The following FBL variants were observed in gnomAD, a reference collection of about 807,000 sequenced individuals.
The protein encoded by FBL is rRNA 2'-O-methyltransferase fibrillarin.
In FBL, 10 loss-of-function variants were observed where a neutral mutation model predicts 42.2. That is an observed-to-expected ratio of 0.24 (90% CI 0.15 to 0.40). The LOEUF (loss-of-function observed/expected upper bound fraction) is 0.40, where lower values mean the gene tolerates loss of function less well. Ranked by LOEUF, FBL falls within the 10% of genes least tolerant of loss-of-function variation. FBL has a pLI of 1.00. For missense variants in FBL, 351 were observed against 439.2 expected (o/e 0.80, Z 1.79); for synonymous variants, 165 against 165.4 (o/e 1.00, Z 0.02).
Position 39,835,630 on chromosome 19 carries a change from T to C in FBL, c.796-817A>G, listed in dbSNP as rs147533369. Among the ~76,000 whole-genome samples, 263 of 152,256 alleles carry C rather than the reference T, an allele frequency of 1.7e-3. 4 individuals carry two copies. The East Asian group carries it at 0.021, about 12-fold the overall frequency. On this transcript the variant is annotated intron_variant, in intron 7 of 8. Coordinates refer to ENST00000221801, the MANE Select transcript of FBL (RefSeq NM_001436.4). The stretch of plus-strand genomic sequence containing the variant: ...GGTTTAGGAAATGTGATAAAAGGCT[T>C]AATGAAAGTTTTTGGCTGGGTGCAG...
intron 5 of FBL, chr19:39,838,471 G>T: frequency 6.5e-6 from 1 of 153,508 alleles, no homozygotes; most frequent in South Asian, 2.0e-4. Context: ...ATATTGGTCA[G>T]GCTGGTCTCG....
intron 1 of FBL, among the ~76,000 whole-genome samples, chr19:39,845,843 G>C (rs1969253323): frequency 6.6e-6 from 1 of 152,196 alleles, no homozygotes; most frequent in South Asian, 2.1e-4. Flanking sequence ...TGGTGGCAGC[G>C]ACAGGGAAGG....
chr19:39,845,435 C>T (rs535194571), intron 1 of FBL, among the ~76,000 whole-genome samples: 1 of 152,288 alleles, frequency 6.6e-6, no homozygotes, highest in South Asian at 2.1e-4. Flanking sequence ...AGAGGTAAAG[C>T]CACTTGCCCA....
chr19:39,836,873 T>A (rs61520181), intron 6 of FBL, among the ~76,000 whole-genome samples: 2,574 of 152,298 alleles, frequency 0.017, 73 homozygotes, highest in African/African-American at 0.055. Context: ...ACTCTTCTTG[T>A]AAACCATGGT....
Position 39,837,778 on chromosome 19 carries a change from C to G in FBL, c.615G>C (p.Lys205Asn), listed in dbSNP as rs753581314. The change falls in exon 6 of 9, where the codon AAG becomes AAC. Residue 205 changes from lysine (K) to asparagine (N), a missense_variant. Lys to Asn is a moderately conservative substitution (Grantham distance 94, BLOSUM62 0). Transcript: ENST00000221801. ...RSGRDLINLA[K>N]KRTNIIPVIE... ...TCACAGGAATGATGTTGGTCCTCTTCTTGGCCAAGTTAATGAGGTCACGGC... is the reference window on the plus strand; with the variant it reads ...TCACAGGAATGATGTTGGTCCTCTTGTTGGCCAAGTTAATGAGGTCACGGC... The G allele has an allele frequency of 1.2e-6, 2 of 1,608,862 alleles. No individual in the cohort carries two copies. Among genetic ancestry groups the G allele is most frequent in the Non-Finnish European group, 1.7e-6 (2 of 1,178,012 alleles).
At position 39,846,358 on chromosome 19, in the gene FBL, G is replaced by A. The variant is rs368706410; in HGVS notation, c.-58C>T. 9 of 1,604,606 alleles carry A rather than the reference G, an allele frequency of 5.6e-6. No homozygotes were observed. The highest frequency in any genetic ancestry group is 1.7e-5 in the Admixed American group (1 of 59,656). On this transcript the variant is annotated 5_prime_UTR_variant, in exon 1 of 9. Transcript: ENST00000221801. ...GCGGCGTTCACAACTCCACGAGTCC[G>A]GGGCTTTCGCACGTGGAAAAGAGCG...
In FBL at chr19:39,834,720, A is replaced by G. The variant is rs1346481870; in HGVS notation, c.889T>C (p.Leu297=). ...QQENMKPQEQ[L]TLEPYERDHA... ...TCTCTTTCATATGGCTCAAGGGTCA[A>G]CTGCTCCTGCGGCTTCATGTTCTCC... Residue 297 remains leucine (L), a synonymous_variant, in exon 8 of 9, where the codon TTG becomes CTG. Coordinates refer to ENST00000221801, the MANE Select transcript of FBL (RefSeq NM_001436.4). The G allele has an allele frequency of 1.9e-6, 3 of 1,614,064 alleles. No homozygotes were observed. Among genetic ancestry groups the G allele is most frequent in the Admixed American group, 1.7e-5 (1 of 60,006 alleles).
chr19:39,835,124 C>T (rs911379718), intron 7 of FBL, among the ~76,000 whole-genome samples: 1 of 152,206 alleles, frequency 6.6e-6, no homozygotes, highest in Non-Finnish European at 1.5e-5. Context: ...ACCCTTCTGC[C>T]AATGGATGAC....
At chr19:39,844,277 C>A (rs1157058764) in intron 1 of FBL, among the ~76,000 whole-genome samples, 1 of 152,126 alleles carries the variant, frequency 6.6e-6, no homozygotes, top group Non-Finnish European at 1.5e-5. Context: ...AAGTCTCAAC[C>A]CAGGCCTAAC....
chr19:39,837,596 C>T (rs1969074550), intron 6 of FBL, 115 bp downstream of exon 6: 1 of 951,820 alleles, frequency 1.1e-6, no homozygotes, highest in Non-Finnish European at 1.5e-6. Flanking sequence ...TTCCTGCAGA[C>T]TCAAGAGGTC....
intron 5 of FBL, 173 bp downstream of exon 5, chr19:39,838,862 G>A (rs898302812): frequency 1.6e-6 from 1 of 619,048 alleles, no homozygotes; most frequent in Non-Finnish European, 2.8e-6. Flanking sequence ...CCAGGAGTGA[G>A]GTTGAATGAC....
chr19:39,845,684 A>G (rs997994051), intron 1 of FBL, among the ~76,000 whole-genome samples: 1 of 152,114 alleles, frequency 6.6e-6, no homozygotes, highest in Non-Finnish European at 1.5e-5. Flanking sequence ...TTAATCCCCA[A>G]ATCTCCACTC....
At chr19:39,834,872 T>C in intron 7 of FBL, 59 bp from the exon 8 acceptor site, 2 of 1,570,508 alleles carry the variant, frequency 1.3e-6, no homozygotes, top group South Asian at 2.2e-5. Flanking sequence ...TTCTCTTGTG[T>C]GCTCTTTAAA....
At position 39,834,527 on chromosome 19, in the gene FBL, A is replaced by T. The variant is rs779293864; in HGVS notation, c.*11T>A. On this transcript the variant is annotated 3_prime_UTR_variant, in exon 9 of 9. Coordinates refer to ENST00000221801, the MANE Select transcript of FBL (RefSeq NM_001436.4). ...AACACACATCTCTCGCAATCCTGACAGCGCTGAACTTCAGTTCTTCACCTT... is the reference window on the plus strand; with the variant it reads ...AACACACATCTCTCGCAATCCTGACTGCGCTGAACTTCAGTTCTTCACCTT... 1.2e-6 allele frequency: 2 copies of T among 1,614,038 alleles called. No homozygotes were observed. The highest frequency in any genetic ancestry group is 1.7e-6 in the Non-Finnish European group (2 of 1,180,020).
chr19:39,835,040 T>C (rs11083539), intron 7 of FBL, among the ~76,000 whole-genome samples: 13,506 of 152,246 alleles, frequency 0.089, 687 homozygotes, highest in Middle Eastern at 0.18. Flanking sequence ...CCTTCCTGAA[T>C]AGAGTAATGC....
chr19:39,846,196 C>A (rs1163206543), intron 1 of FBL, 95 bp downstream of exon 1: 11 of 1,444,304 alleles, frequency 7.6e-6, no homozygotes, highest in Non-Finnish European at 1.1e-5. Flanking sequence ...GAACCCCTGC[C>A]CCCAGGCCAA....
At chr19:39,841,662 T>C (rs1368725480) in intron 1 of FBL, among the ~76,000 whole-genome samples, 1 of 152,168 alleles carries the variant, frequency 6.6e-6, no homozygotes, top group African/African-American at 2.4e-5. Context: ...GGAAGAAAAG[T>C]GTCAACCCCA....
At chr19:39,845,375 C>CG (rs1283382656) in intron 1 of FBL, among the ~76,000 whole-genome samples, 1 of 151,934 alleles carries the variant, frequency 6.6e-6, no homozygotes, top group East Asian at 1.9e-4. Flanking sequence ...TTTTTAACGT[C>CG]GCTTAATCCT....
chr19:39,839,437 G>C (rs897865364), intron 4 of FBL, among the ~76,000 whole-genome samples: 1 of 152,176 alleles, frequency 6.6e-6, no homozygotes, highest in Admixed American at 6.5e-5. Flanking sequence ...ACCAGCACTT[G>C]TTCAACAAAC....
Sources: gnomAD v4.1 joint callset for allele counts (sites outside exome capture counted in the v4.1 genomes callset) on GRCh38, gnomAD v4.1.1 for gene constraint, MANE v1.5 for transcripts, NCBI Gene and HGNC (gene_info 2026-07-23, HGNC 2026-07-21) for gene names.